Variants in FRYL observed in about 807,000 individuals in gnomAD.
FRYL encodes the protein FRY like transcription coactivator.
A neutral mutation model predicts 351.2 loss-of-function variants in FRYL; 150 were observed. The observed-to-expected ratio is 0.43, with a 90% CI of 0.37 to 0.49. The LOEUF is 0.49. Among genes scored for constraint, FRYL ranks in the 20% least tolerant of loss-of-function variants. The probability of loss-of-function intolerance (pLI) is 0.00; values close to 1 mark genes in which losing one functional copy is unlikely to be tolerated. For synonymous variants in FRYL, 1,153 were observed against 1,257.1 expected (o/e 0.92, Z 1.75); for missense variants, 3,036 against 3,619.3 (o/e 0.84, Z 4.13).
intron 3 of FRYL, among the ~76,000 whole-genome samples, chr4:48,666,749 GT>G (rs200860642): frequency 5.9e-5 from 9 of 151,486 alleles, no homozygotes; most frequent in African/African-American, 1.7e-4. Flanking sequence ...ACGTTTCATA[GT>G]TTTTTTTTAA....
intron 52 of FRYL, 118 bp from the exon 53 acceptor site, chr4:48,527,771 A>T (rs1173241186): frequency 2.7e-6 from 3 of 1,128,324 alleles, no homozygotes; most frequent in Admixed American, 2.5e-5. Flanking sequence ...TCACAGCTTA[A>T]ATTTGGTCTT....
intron 57 of FRYL, among the ~76,000 whole-genome samples, chr4:48,511,314 G>A (rs1277599635): frequency 2.0e-5 from 3 of 152,118 alleles, no homozygotes; most frequent in Non-Finnish European, 2.9e-5. Context: ...TCTTGAGGAA[G>A]TTGTTCATCA....
intron 1 of FRYL, among the ~76,000 whole-genome samples, chr4:48,723,141 GTTTGT>G (rs1358905541): frequency 6.7e-6 from 1 of 150,168 alleles, no homozygotes; most frequent in Non-Finnish European, 1.5e-5. Flanking sequence ...GTTTTTTTTT[GTTTGT>G]TTTGTTTTGT....
intron 55 of FRYL, among the ~76,000 whole-genome samples, 172 bp downstream of exon 55, chr4:48,520,873 AATC>A (rs1295048006): frequency 2.0e-5 from 3 of 152,218 alleles, no homozygotes; most frequent in Non-Finnish European, 1.5e-5. Flanking sequence ...TCATTTCCTT[AATC>A]TACCAACTTA....
chr4:48,758,920 T>A (rs1019836723), intron 1 of FRYL, among the ~76,000 whole-genome samples: 7 of 152,186 alleles, frequency 4.6e-5, no homozygotes, highest in Admixed American at 1.3e-4. Context: ...GATGAGTTCA[T>A]GTCCTTTGTA....
intron 2 of FRYL, among the ~76,000 whole-genome samples, chr4:48,703,471 C>T (rs929249006): frequency 2.2e-4 from 33 of 152,140 alleles, no homozygotes; most frequent in African/African-American, 8.0e-4. Context: ...ATATCTCAGG[C>T]CCCTCAATCC....
intron 3 of FRYL, among the ~76,000 whole-genome samples, chr4:48,646,515 C>A (rs1430387118): frequency 3.3e-5 from 5 of 152,156 alleles, no homozygotes; most frequent in African/African-American, 1.2e-4. Context: ...CATCAACAGA[C>A]TAGGAAGAAT....
At chr4:48,651,456 C>T (rs1366441171) in intron 3 of FRYL, among the ~76,000 whole-genome samples, 1 of 151,904 alleles carries the variant, frequency 6.6e-6, no homozygotes, top group Non-Finnish European at 1.5e-5. Flanking sequence ...ACCAACGTGA[C>T]CTCCCATGCC....
chr4:48,714,260 A>G (rs1768470359), intron 1 of FRYL, among the ~76,000 whole-genome samples: 1 of 151,150 alleles, frequency 6.6e-6, no homozygotes, highest in African/African-American at 2.4e-5. Flanking sequence ...AAGGCAAGAA[A>G]TAACTAAAAT....
chr4:48,779,522 C>T (rs980688532), intron 1 of FRYL, among the ~76,000 whole-genome samples: 19 of 151,764 alleles, frequency 1.3e-4, no homozygotes, highest in African/African-American at 4.4e-4. Context: ...CGCCGGTCCC[C>T]GCCAGCCCTG....
At chr4:48,775,142 A>C (rs1775877261) in intron 1 of FRYL, among the ~76,000 whole-genome samples, 1 of 152,224 alleles carries the variant, frequency 6.6e-6, no homozygotes. Flanking sequence ...TTAATTCAAG[A>C]GGTTCCATGG....
intron 44 of FRYL, 86 bp from the exon 45 acceptor site, chr4:48,542,207 A>G: frequency 2.2e-6 from 2 of 889,384 alleles, no homozygotes; most frequent in East Asian, 2.4e-5. Context: ...TTAAAATAGA[A>G]CAAACTCCAT....
In FRYL at chr4:48,579,210, T is replaced by G; in HGVS notation, c.2291A>C (p.Asp764Ala). The G allele has an allele frequency of 6.2e-7, 1 of 1,613,574 alleles. No homozygotes were observed. Among genetic ancestry groups the G allele is most frequent in the East Asian group, 2.2e-5 (1 of 44,860 alleles). The change falls in exon 23 of 64, where the codon GAT (aspartate) becomes GCT (alanine). Residue 764 changes from aspartate (D) to alanine (A), a missense_variant. Asp to Ala is a moderately radical substitution (Grantham distance 126). Around this residue, in one of 7 missense-constraint regions of FRYL, gnomAD observed 492 missense variants for 551.5 expected, o/e 0.89. Transcript: ENST00000358350. ...TTLLYCPSSI[D>A]LQTLAEWNSS... ...GTTCCATTCTGCTAAAGTTTGTAAATCTATCGAGCTAGGGCAATAGAGCAA... is the reference window on the plus strand; with the variant it reads ...GTTCCATTCTGCTAAAGTTTGTAAAGCTATCGAGCTAGGGCAATAGAGCAA...
At chr4:48,547,204 A>G (rs1440198272) in intron 41 of FRYL, among the ~76,000 whole-genome samples, 1 of 152,214 alleles carries the variant, frequency 6.6e-6, no homozygotes, top group African/African-American at 2.4e-5. Context: ...TGCAGTAAAT[A>G]TAATCACGAG....
At chr4:48,634,732 C>G (rs1753896539) in intron 3 of FRYL, among the ~76,000 whole-genome samples, 1 of 152,088 alleles carries the variant, frequency 6.6e-6, no homozygotes, top group African/African-American at 2.4e-5. Flanking sequence ...AACAGGGATT[C>G]TCTTTTGGTT....
chr4:48,649,035 T>C (rs1578517863), intron 3 of FRYL, among the ~76,000 whole-genome samples: 1 of 152,334 alleles, frequency 6.6e-6, no homozygotes, highest in African/African-American at 2.4e-5. Context: ...TTCATGCTGA[T>C]GGTTACAAGA....
At chr4:48,611,970 G>A (rs1748299263) in intron 7 of FRYL, among the ~76,000 whole-genome samples, 1 of 152,142 alleles carries the variant, frequency 6.6e-6, no homozygotes, top group Non-Finnish European at 1.5e-5. Context: ...TCTAGTGAAG[G>A]AGATCAGGTA....
intron 19 of FRYL, among the ~76,000 whole-genome samples, chr4:48,584,258 T>C (rs1741605614): frequency 6.6e-6 from 1 of 152,190 alleles, no homozygotes; most frequent in East Asian, 1.9e-4. Context: ...AAGTACGTAA[T>C]ATTAAACACA....
At chr4:48,673,312 C>T (rs758148123) in intron 3 of FRYL, among the ~76,000 whole-genome samples, 1 of 152,112 alleles carries the variant, frequency 6.6e-6, no homozygotes, top group Non-Finnish European at 1.5e-5. Flanking sequence ...TAAAATATAT[C>T]TTCAAATGAA....
Sources: gnomAD v4.1 joint callset for allele counts (sites outside exome capture counted in the v4.1 genomes callset) on GRCh38, gnomAD v4.1.1 for gene constraint, gnomAD v4.1.1 regional missense constraint, MANE v1.5 for transcripts, NCBI Gene and HGNC (gene_info 2026-07-23, HGNC 2026-07-21) for gene names.